The following TMEM131 variants were observed in gnomAD, a reference collection of about 807,000 sequenced individuals.
TMEM131 encodes the protein transmembrane protein 131, also known as 2610524E03Rik.
Under a neutral mutation model 211.6 loss-of-function variants are expected in TMEM131, and 66 were observed. The observed-to-expected ratio is 0.31, with a 90% CI of 0.26 to 0.38. TMEM131 has a LOEUF of 0.38. Ranked by LOEUF, TMEM131 falls within the 10% of genes least tolerant of loss-of-function variation. The probability of loss-of-function intolerance (pLI) is 1.00; values close to 1 mark genes in which losing one functional copy is unlikely to be tolerated. For missense variants in TMEM131, 2,036 were observed against 2,299.3 expected (o/e 0.89, Z 2.34); for synonymous variants, 844 against 841.3 (o/e 1.00, Z -0.06).
chr2:97,896,169 G>A (rs1200520633), intron 3 of TMEM131, among the ~76,000 whole-genome samples: 3 of 152,164 alleles, frequency 2.0e-5, no homozygotes, highest in Admixed American at 1.3e-4. Flanking sequence ...CTGTAGTTGT[G>A]CAGTTTTAAG....
intron 15 of TMEM131, 57 bp from the exon 16 acceptor site, chr2:97,812,806 A>G: frequency 1.0e-6 from 1 of 971,560 alleles, no homozygotes; most frequent in Non-Finnish European, 1.5e-6. Context: ...TAACAATATT[A>G]TGAAGAGAAA....
chr2:97,763,860 G>A (rs182629352), intron 35 of TMEM131: 1 of 152,526 alleles, frequency 6.6e-6, no homozygotes, highest in African/African-American at 2.4e-5. Flanking sequence ...AACAGGAAAA[G>A]CAAAGGGAAG....
At chr2:97,805,009 A>G in intron 22 of TMEM131, 79 bp downstream of exon 22, 1 of 997,542 alleles carries the variant, frequency 1.0e-6, no homozygotes, top group Non-Finnish European at 1.4e-6. Flanking sequence ...ATCTAACATA[A>G]GAATATAATT....
intron 30 of TMEM131, 162 bp downstream of exon 30, chr2:97,793,233 G>A (rs1215375153): frequency 1.8e-5 from 13 of 727,586 alleles, no homozygotes; most frequent in Non-Finnish European, 2.6e-5. Flanking sequence ...TATCCAGCAT[G>A]AGCTCTAAGT....
At chr2:97,838,388 A>C (rs147938598) in intron 7 of TMEM131, among the ~76,000 whole-genome samples, 1,620 of 151,616 alleles carry the variant, frequency 0.011, 32 homozygotes, top group African/African-American at 0.037. Context: ...TGAATAAAAA[A>C]GGATAAAGCA....
intron 1 of TMEM131, among the ~76,000 whole-genome samples, 160 bp downstream of exon 1, chr2:97,995,316 G>A (rs1680447217): frequency 6.6e-6 from 1 of 152,192 alleles, no homozygotes; most frequent in Non-Finnish European, 1.5e-5. Context: ...AGGCCACTCC[G>A]TGCGGCGGGC....
chr2:97,844,320 C>T, intron 5 of TMEM131, 59 bp from the exon 6 acceptor site: 1 of 524,624 alleles, frequency 1.9e-6, no homozygotes, highest in Non-Finnish European at 3.1e-6. Flanking sequence ...AGCTCAAGTT[C>T]CTTAAACAAG....
At chr2:97,992,462 T>C (rs1680309359) in intron 1 of TMEM131, among the ~76,000 whole-genome samples, 1 of 152,226 alleles carries the variant, frequency 6.6e-6, no homozygotes, top group South Asian at 2.1e-4. Flanking sequence ...TGCCATTTAA[T>C]TGCCAATTAA....
In TMEM131 at chr2:97,796,990, T is replaced by G. The variant is rs767119184; in HGVS notation, c.2871-4A>C. ...ATCCATCACAGTCAGGTTATTTCTATGCAAGAATGAGAATTACAGATTTTT... is the reference window on the plus strand; with the variant it reads ...ATCCATCACAGTCAGGTTATTTCTAGGCAAGAATGAGAATTACAGATTTTT... On this transcript the variant is annotated splice_polypyrimidine_tract_variant and splice_region_variant and intron_variant, in intron 26 of 40. Coordinates refer to ENST00000186436, the MANE Select transcript of TMEM131 (RefSeq NM_015348.2). 6.2e-7 allele frequency: 1 copy of G among 1,604,394 alleles called. No individual in the cohort carries two copies. The highest frequency in any genetic ancestry group is 8.5e-7 in the Non-Finnish European group (1 of 1,176,220).
chr2:97,979,361 TCTC>T (rs1386073519), intron 1 of TMEM131, among the ~76,000 whole-genome samples: 1 of 152,144 alleles, frequency 6.6e-6, no homozygotes, highest in African/African-American at 2.4e-5. Context: ...GGCACTGACT[TCTC>T]CTCTCTAGCT....
At chr2:97,954,682 T>G (rs1415685359) in intron 1 of TMEM131, among the ~76,000 whole-genome samples, 4 of 151,910 alleles carry the variant, frequency 2.6e-5, no homozygotes, top group Non-Finnish European at 5.9e-5. Context: ...GGCGTGCGCC[T>G]GTAGTTCCAG....
rs550229144 is a variant in TMEM131 at position 97,882,104 on chromosome 2, A to G, written c.359+5948T>C. Among the ~76,000 whole-genome samples, 36 of 152,302 alleles carry G rather than the reference A, an allele frequency of 2.4e-4. 1 individual carries two copies. In the South Asian group the frequency reaches 7.5e-3, roughly 32 times the overall value. Reference sequence around the variant, plus strand: ...AACCTTACCTTAAAATTACTAAGCAAATTCTTTCAACCATATCTCTCTTCA... The same window carrying G: ...AACCTTACCTTAAAATTACTAAGCAGATTCTTTCAACCATATCTCTCTTCA... On this transcript the variant is annotated intron_variant, in intron 4 of 40. Coordinates refer to ENST00000186436, the MANE Select transcript of TMEM131 (RefSeq NM_015348.2).
chr2:97,903,538 A>G (rs907794883), intron 3 of TMEM131, among the ~76,000 whole-genome samples: 6 of 152,202 alleles, frequency 3.9e-5, no homozygotes, highest in South Asian at 4.1e-4. Flanking sequence ...CTTATGAATT[A>G]TAAGAGAAAA....
At chr2:97,808,670 AC>A (rs1190016754) in intron 19 of TMEM131, among the ~76,000 whole-genome samples, 9 of 152,184 alleles carry the variant, frequency 5.9e-5, no homozygotes, top group Admixed American at 5.2e-4. Flanking sequence ...TTGGGAAGAA[AC>A]GATCTCTCAT....
intron 31 of TMEM131, among the ~76,000 whole-genome samples, chr2:97,782,853 T>G (rs888909776): frequency 6.6e-6 from 1 of 150,934 alleles, no homozygotes. Context: ...AGATCTGACA[T>G]TTGTGTTATC....
intron 6 of TMEM131, among the ~76,000 whole-genome samples, chr2:97,842,790 T>C (rs907101142): frequency 6.6e-6 from 1 of 152,210 alleles, no homozygotes; most frequent in African/African-American, 2.4e-5. Context: ...CCTAGGTCTG[T>C]TGTGGGATGC....
chr2:97,983,287 GAC>G (rs1679879905), intron 1 of TMEM131, among the ~76,000 whole-genome samples: 1 of 152,186 alleles, frequency 6.6e-6, no homozygotes, highest in African/African-American at 2.4e-5. Context: ...TAGTAGCAGT[GAC>G]AGTCAGCTAC....
At chr2:97,797,621 T>A (rs575108171) in intron 25 of TMEM131, 105 bp from the exon 26 acceptor site, 1 of 949,984 alleles carries the variant, frequency 1.1e-6, no homozygotes, top group Non-Finnish European at 1.5e-6. Flanking sequence ...TCAAACTGAT[T>A]AAATGCATAA....
At chr2:97,872,022 A>G (rs1368205436) in intron 4 of TMEM131, among the ~76,000 whole-genome samples, 1 of 150,514 alleles carries the variant, frequency 6.6e-6, no homozygotes, top group Non-Finnish European at 1.5e-5. Flanking sequence ...AAGAGGAGAG[A>G]AAGGGGGAAA....
Sources: gnomAD v4.1 joint callset for allele counts (sites outside exome capture counted in the v4.1 genomes callset) on GRCh38, gnomAD v4.1.1 for gene constraint, MANE v1.5 for transcripts, NCBI Gene and HGNC (gene_info 2026-07-23, HGNC 2026-07-21) for gene names.